The following FZD3 variants were observed in gnomAD, a reference collection of about 807,000 sequenced individuals.
FZD3 encodes frizzled class receptor 3.
A neutral mutation model predicts 60.7 loss-of-function variants in FZD3; 30 were observed. That is an observed-to-expected ratio of 0.49 (90% confidence interval 0.37 to 0.67). The LOEUF (loss-of-function observed/expected upper bound fraction) is 0.67, where lower values mean the gene tolerates loss of function less well. Ranked by LOEUF, FZD3 falls within the 30% of genes least tolerant of loss-of-function variation. The pLI is 0.00. For synonymous variants in FZD3, 246 were observed against 275.2 expected (o/e 0.89, Z 1.05); for missense variants, 605 against 838.7 (o/e 0.72, Z 3.44).
intron 6 of FZD3, among the ~76,000 whole-genome samples, chr8:28,553,538 T>C (rs1161065797): frequency 2.0e-5 from 3 of 152,242 alleles, no homozygotes; most frequent in African/African-American, 4.8e-5. Context: ...AAATTCCAGA[T>C]AGAGCTAAAA....
chr8:28,504,219 A>G (rs1420880859), intron 3 of FZD3, among the ~76,000 whole-genome samples: 1 of 152,206 alleles, frequency 6.6e-6, no homozygotes, highest in Non-Finnish European at 1.5e-5. Context: ...GGCATCTTAT[A>G]TATTCCAAAT....
At chr8:28,542,110 T>TTA (rs1554538053) in intron 5 of FZD3, among the ~76,000 whole-genome samples, 2,550 of 131,998 alleles carry the variant, frequency 0.019, 68 homozygotes, top group South Asian at 0.085. Context: ...TTTTTTTTTT[T>TTA]AACTACTCCC....
chr8:28,502,476 C>G (rs141762979), intron 2 of FZD3, among the ~76,000 whole-genome samples, 194 bp from the exon 3 acceptor site: 2 of 151,958 alleles, frequency 1.3e-5, no homozygotes, highest in African/African-American at 4.8e-5. Flanking sequence ...CATTTAAATG[C>G]TGTTTAAGGA....
chr8:28,542,156 C>T (rs1276476116), intron 5 of FZD3, among the ~76,000 whole-genome samples: 1 of 139,136 alleles, frequency 7.2e-6, no homozygotes, highest in East Asian at 2.2e-4. Context: ...CTACCTCCTT[C>T]TTTGACTTCG....
In FZD3 at chr8:28,568,048, T is replaced by C. The variant is rs375564001; in HGVS notation, c.*5037T>C. 6.6e-6 allele frequency: 1 copy of C among 152,180 alleles called. No individual in the cohort carries two copies. Among genetic ancestry groups the C allele is most frequent in the Non-Finnish European group, 1.5e-5 (1 of 68,026 alleles). The allele number at this position is 152,180 out of a possible 1,614,324, so 9.4% of individuals were successfully genotyped here. ...TTTCATTGTGGCAAAACTTTAAATT[T>C]TAAGTCATCACACTATGAGAATTGT... On this transcript the variant is annotated 3_prime_UTR_variant, in exon 8 of 8. Coordinates refer to ENST00000240093, the MANE Select transcript of FZD3 (RefSeq NM_017412.4).
chr8:28,512,028 A>G (rs537313731), intron 3 of FZD3, among the ~76,000 whole-genome samples: 4 of 152,332 alleles, frequency 2.6e-5, no homozygotes, highest in Non-Finnish European at 4.4e-5. Flanking sequence ...CTAGGGTTAT[A>G]AATAGTTCTG....
chr8:28,511,385 C>G (rs894034324), intron 3 of FZD3, among the ~76,000 whole-genome samples: 2 of 152,076 alleles, frequency 1.3e-5, no homozygotes, highest in African/African-American at 2.4e-5. Context: ...ACTTGGGAGG[C>G]TGAGGCAGGA....
chr8:28,508,124 G>T (rs1301603980), intron 3 of FZD3, among the ~76,000 whole-genome samples: 3 of 152,012 alleles, frequency 2.0e-5, no homozygotes, highest in Non-Finnish European at 4.4e-5. Context: ...TGAACTCTTG[G>T]CCTGAAGCTA....
intron 3 of FZD3, among the ~76,000 whole-genome samples, chr8:28,503,419 C>T (rs1444874422): frequency 6.6e-6 from 1 of 152,076 alleles, no homozygotes; most frequent in Admixed American, 6.6e-5. Flanking sequence ...AGACATTATA[C>T]TTTTATAAAG....
intron 5 of FZD3, among the ~76,000 whole-genome samples, chr8:28,531,750 A>G (rs1804881220): frequency 6.6e-6 from 1 of 151,780 alleles, no homozygotes; most frequent in Non-Finnish European, 1.5e-5. Flanking sequence ...TGATTTACCT[A>G]TTTGTTATCT....
chr8:28,527,175 C>T lies in FZD3; in HGVS notation c.415C>T (p.Arg139Ter), dbSNP rs1380279883. Residue 139 changes from arginine to a stop codon, truncating the protein, a stop_gained, in exon 5 of 8, where the codon CGA becomes TGA. Coordinates refer to ENST00000240093, the MANE Select transcript of FZD3 (RefSeq NM_017412.4). LOFTEE classifies it high-confidence loss of function. The surrounding 1 kb of genome is among the most constrained non-coding windows in gnomAD (Gnocchi z 5.0). ...CCCAGATTGTGATGAGCCATATCCT[C>T]GACTTGTGGATCTGAATTTAGCTGG... ...RFPDCDEPYP[R>*]LVDLNLAGEP... The T allele has an allele frequency of 6.2e-7, 1 of 1,612,852 alleles. No homozygotes were observed. Among genetic ancestry groups the T allele is most frequent in the Non-Finnish European group, 8.5e-7 (1 of 1,179,556 alleles).
At chr8:28,519,618 T>A (rs1804519663) in intron 3 of FZD3, among the ~76,000 whole-genome samples, 1 of 151,494 alleles carries the variant, frequency 6.6e-6, no homozygotes, top group Non-Finnish European at 1.5e-5. Flanking sequence ...TAGTCCCAGC[T>A]ACTCAGGAGG....
chr8:28,519,266 C>T lies in FZD3; in HGVS notation c.190-1372C>T, dbSNP rs182471749. On this transcript the variant is annotated intron_variant, in intron 3 of 7. Transcript: ENST00000240093. ...TATATAAATAAATGCAAAAAATATT[C>T]CATAGTCAAAAGCCCAGATGCACAT... Among the ~76,000 whole-genome samples the T allele has an allele frequency of 5.3e-4, 81 of 152,268 alleles. 1 individual carries two copies. Among genetic ancestry groups the T allele is most frequent in the African/African-American group, 1.9e-3 (77 of 41,566 alleles).
rs181787820 is a variant in FZD3, at chr8:28,495,120, T to C, written c.-391+777T>C. Among the ~76,000 whole-genome samples, 5 of 152,304 alleles carry C rather than the reference T, an allele frequency of 3.3e-5. 1 individual carries two copies. In the East Asian group the frequency reaches 9.7e-4, roughly 29 times the overall value. ...GTCCTTTCAAGACATGTAAACATCTTCCTAGCGGTGTTTTACATCTTAGGA... is the reference window on the plus strand; with the variant it reads ...GTCCTTTCAAGACATGTAAACATCTCCCTAGCGGTGTTTTACATCTTAGGA... On this transcript the variant is annotated intron_variant, in intron 1 of 7. Coordinates refer to ENST00000240093, the MANE Select transcript of FZD3 (RefSeq NM_017412.4).
rs760470003 is a variant in FZD3 at position 28,551,704 on chromosome 8, G to A, written c.1506G>A (p.Lys502=). The change falls in exon 6 of 8, where the codon AAG becomes AAA. Residue 502 remains lysine (K), a synonymous_variant. Transcript: ENST00000240093. ...IPSVFWVGSK[K]TCFEWASFFH... ...CTGTATTTTGGGTTGGAAGCAAAAA[G>A]ACATGCTTTGAATGGGCCAGTTTTT... 1 of 1,612,544 alleles carries A rather than the reference G, an allele frequency of 6.2e-7. No individual in the cohort carries two copies. Among genetic ancestry groups the A allele is most frequent in the East Asian group, 2.2e-5 (1 of 44,808 alleles).
At chr8:28,502,257 A>T (rs548288604) in intron 2 of FZD3, among the ~76,000 whole-genome samples, 64 of 152,320 alleles carry the variant, frequency 4.2e-4, no homozygotes, top group African/African-American at 1.2e-3. Flanking sequence ...ATACAAAAAT[A>T]TACTATTAAA....
chr8:28,558,965 A>C (rs1160912024), intron 7 of FZD3, among the ~76,000 whole-genome samples: 1 of 152,222 alleles, frequency 6.6e-6, no homozygotes, highest in Non-Finnish European at 1.5e-5. Flanking sequence ...TGAACCAGTT[A>C]ATAGCACAAG....
intron 5 of FZD3, among the ~76,000 whole-genome samples, chr8:28,538,475 A>T (rs1393963414): frequency 6.6e-6 from 1 of 152,174 alleles, no homozygotes; most frequent in East Asian, 1.9e-4. Context: ...AGAAAACTTG[A>T]GTCTCATATA....
rs1204077387 is a variant in FZD3, at chr8:28,570,610, G to A, written c.*7599G>A. 1 of 149,540 alleles carries A rather than the reference G, an allele frequency of 6.7e-6. No individual in the cohort carries two copies. Among genetic ancestry groups the A allele is most frequent in the Admixed American group, 6.7e-5 (1 of 14,988 alleles). The allele number at this position is 149,540 out of a possible 1,614,324, so 9.3% of individuals were successfully genotyped here. A position where few individuals can be genotyped will look rare whatever the true frequency, so the allele number is the denominator to read the frequency against. On this transcript the variant is annotated 3_prime_UTR_variant, in exon 8 of 8. Coordinates refer to ENST00000240093, the MANE Select transcript of FZD3 (RefSeq NM_017412.4). ...GCTGCACTCCAGCCTGGGCAACGGA[G>A]CGAGACTCTATCTCAAAAAAAAAAA... is the stretch of plus-strand genomic sequence containing the variant.
Sources: allele counts gnomAD v4.1 joint callset (sites outside exome capture counted in the v4.1 genomes callset), GRCh38; gene constraint gnomAD v4.1.1; non-coding constraint Gnocchi (gnomAD v3.1); transcripts MANE v1.5; gene names NCBI Gene and HGNC (gene_info 2026-07-23, HGNC 2026-07-21).